The following CADM1 variants were observed in gnomAD, a reference collection of about 807,000 sequenced individuals.
The protein encoded by CADM1 is TSLC-1.
Under a neutral mutation model 53.1 loss-of-function variants are expected in CADM1, and 15 were observed. That is an observed-to-expected ratio of 0.28 (90% CI 0.19 to 0.44). The LOEUF is 0.44. Among genes scored for constraint, CADM1 ranks in the 20% least tolerant of loss-of-function variants. CADM1 has a pLI of 1.00. For synonymous variants in CADM1, 281 were observed against 243.0 expected, an observed-to-expected ratio of 1.16 and a Z score of -1.45; for missense variants, 434 against 611.3, an observed-to-expected ratio of 0.71 and a Z score of 3.06.
At chr11:115,423,156 A>G (rs772951605) in intron 1 of CADM1, among the ~76,000 whole-genome samples, 2 of 152,206 alleles carry the variant, frequency 1.3e-5, no homozygotes, top group Admixed American at 6.5e-5. Context: ...ATTCGAGTGA[A>G]CACCTGAAGA....
chr11:115,308,267 C>A (rs1346149361), intron 1 of CADM1, among the ~76,000 whole-genome samples: 2 of 149,742 alleles, frequency 1.3e-5, no homozygotes, highest in Non-Finnish European at 3.0e-5. Flanking sequence ...AACATCACAA[C>A]AGAATATTTC....
At position 115,504,256 on chromosome 11, in the gene CADM1, G is replaced by C; in HGVS notation, c.124+15C>G. ...TCGGAGATTTAGGGGCCAACCGGTCGGTGCCCACACCTACCTGTGGGGATC... is the reference window on the plus strand; with the variant it reads ...TCGGAGATTTAGGGGCCAACCGGTCCGTGCCCACACCTACCTGTGGGGATC... On this transcript the variant is annotated intron_variant, in intron 1 of 11. Coordinates refer to ENST00000331581, the MANE Select transcript of CADM1 (RefSeq NM_001301043.2). The C allele has an allele frequency of 6.4e-7, 1 of 1,570,622 alleles. No individual in the cohort carries two copies. Among genetic ancestry groups the C allele is most frequent in the Non-Finnish European group, 8.6e-7 (1 of 1,158,518 alleles).
chr11:115,206,758 C>CTTT lies in CADM1; in HGVS notation c.1078+2813_1078+2815dup, dbSNP rs56270694. ...AAAAGAAATAGATGACTGTGGACTT[C>CTTT]TTTTTTTTTTTTTTTTTTTTTTTTT... On this transcript the variant is annotated intron_variant, in intron 8 of 11. Transcript: ENST00000331581. Among the ~76,000 whole-genome samples the CTTT allele has an allele frequency of 1.8e-3, 69 of 38,218 alleles. 19 individuals carry two copies. The highest frequency in any genetic ancestry group is 3.4e-3 in the South Asian group (2 of 590). 25.1% of individuals were successfully genotyped at this position (38,218 alleles called of 152,430 possible).
chr11:115,239,372 T>C (rs1942135333), intron 2 of CADM1, among the ~76,000 whole-genome samples: 1 of 152,196 alleles, frequency 6.6e-6, no homozygotes, highest in Non-Finnish European at 1.5e-5. Flanking sequence ...TAAGTACATT[T>C]GGCTTCACAG....
intron 6 of CADM1, among the ~76,000 whole-genome samples, chr11:115,216,157 AC>A (rs1941173631): frequency 6.6e-6 from 1 of 152,226 alleles, no homozygotes. Flanking sequence ...AAGTTAAATT[AC>A]CATTTTTATT....
At chr11:115,318,199 A>G (rs746048004) in intron 1 of CADM1, among the ~76,000 whole-genome samples, 7 of 152,176 alleles carry the variant, frequency 4.6e-5, no homozygotes, top group Non-Finnish European at 8.8e-5. Flanking sequence ...TTAGAAATGC[A>G]TCAATTCCCT....
intron 1 of CADM1, among the ~76,000 whole-genome samples, chr11:115,420,603 G>C (rs761156132): frequency 5.3e-5 from 8 of 152,190 alleles, no homozygotes; most frequent in Non-Finnish European, 1.2e-4. Flanking sequence ...TCTGTACCCA[G>C]ATGGACAGGT....
intron 1 of CADM1, among the ~76,000 whole-genome samples, chr11:115,277,015 C>T (rs1006877259): frequency 3.9e-5 from 6 of 152,148 alleles, no homozygotes; most frequent in Non-Finnish European, 7.3e-5. Flanking sequence ...CAGTAAATTG[C>T]GAGCCCGAGG....
At position 115,175,581 on chromosome 11, in the gene CADM1, G is replaced by C. The variant is rs1318508065; in HGVS notation, c.*893C>G. 2.0e-6 allele frequency: 2 copies of C among 985,246 alleles called. No homozygotes were observed. Among genetic ancestry groups the C allele is most frequent in the Non-Finnish European group, 1.2e-6 (1 of 829,980 alleles). 61.0% of individuals were successfully genotyped at this position (985,246 alleles called of 1,614,324 possible). A position where few individuals can be genotyped will look rare whatever the true frequency, so the allele number is the denominator to read the frequency against. ...TCAAAATTTGTCCACTTATATAAAA[G>C]GAACAGACCTCACCTGTCAGGTCTG... On this transcript the variant is annotated 3_prime_UTR_variant, in exon 12 of 12. Coordinates refer to ENST00000331581, the MANE Select transcript of CADM1 (RefSeq NM_001301043.2).
In CADM1 at chr11:115,173,804, T is replaced by A. The variant is rs1591572271; in HGVS notation, c.*2670A>T. 1.5e-5 allele frequency: 15 copies of A among 984,596 alleles called. No individual in the cohort carries two copies. The highest frequency in any genetic ancestry group is 1.8e-5 in the Non-Finnish European group (15 of 829,482). The allele number at this position is 984,596 out of a possible 1,614,324, so 61.0% of individuals were successfully genotyped here. On this transcript the variant is annotated 3_prime_UTR_variant, in exon 12 of 12. Transcript: ENST00000331581. Reference sequence around the variant, plus strand: ...TCCATGTACACCTTAAAAACAGAACTGGCCTAAAGGGAAAAATAAGACGTC... The same window carrying A: ...TCCATGTACACCTTAAAAACAGAACAGGCCTAAAGGGAAAAATAAGACGTC...
At chr11:115,499,649 T>C (rs970453114) in intron 1 of CADM1, among the ~76,000 whole-genome samples, 6 of 152,364 alleles carry the variant, frequency 3.9e-5, no homozygotes, top group East Asian at 1.9e-4. Flanking sequence ...AAGGGACCTG[T>C]CCCTATCCAG....
intron 1 of CADM1, among the ~76,000 whole-genome samples, chr11:115,356,843 T>A (rs557486196): frequency 1.3e-5 from 2 of 152,168 alleles, no homozygotes; most frequent in East Asian, 3.8e-4. Flanking sequence ...AAAACACCAA[T>A]TGCCTGAAGA....
chr11:115,200,837 G>A (rs1019581070), intron 8 of CADM1, among the ~76,000 whole-genome samples: 1 of 152,200 alleles, frequency 6.6e-6, no homozygotes, highest in Non-Finnish European at 1.5e-5. Flanking sequence ...ACAAATGATA[G>A]AAGGGCGGGG....
intron 1 of CADM1, among the ~76,000 whole-genome samples, chr11:115,424,717 G>GCTACAAAAT (rs1195617614): frequency 3.3e-5 from 5 of 151,940 alleles, no homozygotes; most frequent in Non-Finnish European, 7.4e-5. Context: ...GTAGAGAGGG[G>GCTACAAAAT]GTTTCGACAT....
chr11:115,305,961 T>C (rs1274209200), intron 1 of CADM1, among the ~76,000 whole-genome samples: 3 of 149,920 alleles, frequency 2.0e-5, no homozygotes, highest in Admixed American at 1.3e-4. Flanking sequence ...TAATATATAA[T>C]TTTGATTATA....
intron 1 of CADM1, among the ~76,000 whole-genome samples, chr11:115,267,895 C>T (rs796978068): frequency 4.6e-5 from 7 of 151,618 alleles, no homozygotes; most frequent in East Asian, 1.9e-4. Context: ...ACACGGTCAC[C>T]GGGCTGAATT....
intron 1 of CADM1, among the ~76,000 whole-genome samples, chr11:115,291,658 T>C (rs553111190): frequency 2.6e-5 from 4 of 152,306 alleles, no homozygotes; most frequent in Admixed American, 1.3e-4. Flanking sequence ...TTCCATAATA[T>C]TCCACTGCCC....
chr11:115,347,000 C>T (rs751349159), intron 1 of CADM1, among the ~76,000 whole-genome samples: 3 of 151,994 alleles, frequency 2.0e-5, no homozygotes, highest in East Asian at 1.9e-4. Flanking sequence ...AGAGACAGAA[C>T]GAAATTTAGA....
chr11:115,427,968 T>C (rs1178356254), intron 1 of CADM1, among the ~76,000 whole-genome samples: 2 of 128,364 alleles, frequency 1.6e-5, no homozygotes, highest in Non-Finnish European at 3.1e-5. Context: ...ATCATGCCAC[T>C]GCACTCCAGC....
Sources: allele counts gnomAD v4.1 joint callset (sites outside exome capture counted in the v4.1 genomes callset), GRCh38; gene constraint gnomAD v4.1.1; transcripts MANE v1.5; gene names NCBI Gene and HGNC (gene_info 2026-07-23, HGNC 2026-07-21).